Variants in SMAP1 observed in about 807,000 individuals in gnomAD.
SMAP1 encodes small ArfGAP 1, also known as stromal membrane-associated protein 1.
Under a neutral mutation model 58.5 loss-of-function variants are expected in SMAP1, and 24 were observed. The ratio of observed to expected loss-of-function variants is 0.41; its 90% CI spans 0.30 to 0.58. The LOEUF (loss-of-function observed/expected upper bound fraction) is 0.58. SMAP1 is among the 20% of genes least tolerant of loss of function. The pLI is 0.29. For missense variants in SMAP1, 563 were observed against 566.3 expected (o/e 0.99, Z 0.06); for synonymous variants, 216 against 196.6 (o/e 1.10, Z -0.82).
intron 6 of SMAP1, among the ~76,000 whole-genome samples, chr6:70,825,697 G>A (rs145278260): frequency 5.1e-4 from 77 of 152,236 alleles, no homozygotes; most frequent in African/African-American, 1.6e-3. Context: ...AAAGTTAAAG[G>A]CTCTAAGTAT....
At position 70,860,349 on chromosome 6, in the gene SMAP1, G is replaced by A; in HGVS notation, c.*15G>A. On this transcript the variant is annotated 3_prime_UTR_variant, in exon 11 of 11. Coordinates refer to ENST00000370455, the MANE Select transcript of SMAP1 (RefSeq NM_001044305.3). ...TGTGGAAATGAAAACTGCAATACAAGTTTCATCCAGAACTACCACCTGACA... is the reference window on the plus strand; with the variant it reads ...TGTGGAAATGAAAACTGCAATACAAATTTCATCCAGAACTACCACCTGACA... 1.3e-6 allele frequency: 2 copies of A among 1,598,988 alleles called. No homozygotes were observed. The highest frequency in any genetic ancestry group is 1.7e-6 in the Non-Finnish European group (2 of 1,173,392).
chr6:70,667,902 T>C lies in SMAP1; in HGVS notation c.-122T>C. On this transcript the variant is annotated 5_prime_UTR_variant, in exon 1 of 11. Transcript: ENST00000370455. ...CCCCTCCTCCCGTTCCAGCTGCCGC[T>C]GCCGCTTCCTGGGCTGAGTCCGCCC... The C allele has an allele frequency of 1.4e-6, 1 of 729,842 alleles. No homozygotes were observed. The highest frequency in any genetic ancestry group is 2.2e-5 in the South Asian group (1 of 45,034). 45.2% of individuals were successfully genotyped at this position (729,842 alleles called of 1,614,324 possible).
intron 4 of SMAP1, among the ~76,000 whole-genome samples, chr6:70,779,956 T>C (rs1455755851): frequency 6.6e-6 from 1 of 152,130 alleles, no homozygotes; most frequent in Non-Finnish European, 1.5e-5. Context: ...CATTGAGTAG[T>C]AGGTGACAAT....
intron 1 of SMAP1, among the ~76,000 whole-genome samples, chr6:70,679,770 G>C (rs528761767): frequency 2.6e-5 from 4 of 152,052 alleles, no homozygotes; most frequent in Admixed American, 1.3e-4. Flanking sequence ...CATGCTCATG[G>C]ATTAGAAGAC....
chr6:70,690,753 G>T (rs916397907), intron 1 of SMAP1, among the ~76,000 whole-genome samples: 1 of 151,294 alleles, frequency 6.6e-6, no homozygotes, highest in Non-Finnish European at 1.5e-5. Flanking sequence ...GTCATGAAGG[G>T]TGTTGAACTG....
chr6:70,806,038 C>G (rs914130351), intron 6 of SMAP1, among the ~76,000 whole-genome samples: 1 of 152,220 alleles, frequency 6.6e-6, no homozygotes, highest in Non-Finnish European at 1.5e-5. Flanking sequence ...CTGCTCTCTT[C>G]AGAGCTGTCA....
At chr6:70,732,661 T>G (rs1765475481) in intron 2 of SMAP1, 150 bp downstream of exon 2, 2 of 630,752 alleles carry the variant, frequency 3.2e-6, no homozygotes, top group African/African-American at 3.8e-5. Flanking sequence ...ATTTGAATTT[T>G]CAGTTCACAG....
At chr6:70,784,540 G>C (rs999561877) in intron 4 of SMAP1, among the ~76,000 whole-genome samples, 1 of 152,174 alleles carries the variant, frequency 6.6e-6, no homozygotes, top group African/African-American at 2.4e-5. Flanking sequence ...CCATCAGTGT[G>C]CTGTATTCAG....
chr6:70,724,499 A>T (rs769597910), intron 1 of SMAP1, among the ~76,000 whole-genome samples: 1 of 152,148 alleles, frequency 6.6e-6, no homozygotes, highest in Non-Finnish European at 1.5e-5. Flanking sequence ...CCCGGTCAAG[A>T]TAGGAAATGT....
chr6:70,677,090 G>A (rs552394882), intron 1 of SMAP1, among the ~76,000 whole-genome samples: 2 of 151,676 alleles, frequency 1.3e-5, no homozygotes. Context: ...CTCACCTTGC[G>A]TAAACTTTAT....
At chr6:70,741,010 A>G (rs1057339159) in intron 2 of SMAP1, among the ~76,000 whole-genome samples, 1 of 152,132 alleles carries the variant, frequency 6.6e-6, no homozygotes, top group Admixed American at 6.6e-5. Flanking sequence ...CCATGATTCA[A>G]TTATTTCCCA....
intron 6 of SMAP1, among the ~76,000 whole-genome samples, chr6:70,823,844 G>A (rs1279115056): frequency 3.4e-5 from 5 of 148,222 alleles, no homozygotes; most frequent in Non-Finnish European, 7.4e-5. Flanking sequence ...GCCAACCGTA[G>A]TTATTTTTCA....
At chr6:70,727,835 A>G (rs1339301334) in intron 1 of SMAP1, among the ~76,000 whole-genome samples, 1 of 152,040 alleles carries the variant, frequency 6.6e-6, no homozygotes, top group Non-Finnish European at 1.5e-5. Flanking sequence ...GGCTGAGGCA[A>G]GTGGAATGCT....
At chr6:70,746,806 T>G (rs1766061611) in intron 2 of SMAP1, among the ~76,000 whole-genome samples, 1 of 151,896 alleles carries the variant, frequency 6.6e-6, no homozygotes, top group South Asian at 2.1e-4. Flanking sequence ...TGGTCCTGGA[T>G]TTTTTTTGGT....
intron 6 of SMAP1, among the ~76,000 whole-genome samples, chr6:70,833,150 G>C (rs1259157526): frequency 6.6e-6 from 1 of 152,056 alleles, no homozygotes; most frequent in Admixed American, 6.6e-5. Flanking sequence ...TAGAATTTTA[G>C]AAGGATTCCT....
chr6:70,710,701 A>T (rs999522593), intron 1 of SMAP1, among the ~76,000 whole-genome samples: 6 of 152,134 alleles, frequency 3.9e-5, no homozygotes, highest in African/African-American at 1.4e-4. Flanking sequence ...TTGATAAATT[A>T]ACCTTAGCTT....
intron 3 of SMAP1, 98 bp downstream of exon 3, chr6:70,755,163 A>G (rs900880595): frequency 3.2e-6 from 3 of 927,344 alleles, no homozygotes; most frequent in East Asian, 2.5e-5. Context: ...TGTGAACTTT[A>G]TCACGCTACT....
chr6:70,668,803 A>G, intron 1 of SMAP1: 1 of 1,413,248 alleles, frequency 7.1e-7, no homozygotes, highest in African/African-American at 1.4e-5. Flanking sequence ...ATTAGCCAGA[A>G]TGAAGAGGAA....
intron 1 of SMAP1, among the ~76,000 whole-genome samples, chr6:70,704,016 C>T (rs1767740691): frequency 6.6e-6 from 1 of 152,122 alleles, no homozygotes; most frequent in Non-Finnish European, 1.5e-5. Context: ...TTGCTTTAGT[C>T]GATTGGGCAA....
Sources: allele counts gnomAD v4.1 joint callset (sites outside exome capture counted in the v4.1 genomes callset), GRCh38; gene constraint gnomAD v4.1.1; transcripts MANE v1.5; gene names NCBI Gene and HGNC (gene_info 2026-07-23, HGNC 2026-07-21).